ASTN1: variants seen among roughly 807,000 people sequenced by gnomAD.
ASTN1 encodes astrotactin-1.
ASTN1 carries 41 observed loss-of-function variants against 140.7 expected under a neutral mutation model. The ratio of observed to expected loss-of-function variants is 0.29; its 90% CI spans 0.23 to 0.38. ASTN1 has a LOEUF of 0.38. Ranked by LOEUF, ASTN1 falls within the 10% of genes least tolerant of loss-of-function variation. The pLI is 1.00. For synonymous variants in ASTN1, 640 were observed against 652.2 expected (o/e 0.98, Z 0.29); for missense variants, 1,479 against 1,678.8 (o/e 0.88, Z 2.08).
intron 1 of ASTN1, among the ~76,000 whole-genome samples, chr1:177,099,757 A>G (rs1680211208): frequency 6.6e-6 from 1 of 152,132 alleles, no homozygotes; most frequent in Non-Finnish European, 1.5e-5. Context: ...GTCTTAATCT[A>G]CTTAGTAGGA....
chr1:177,127,795 C>T (rs889785051), intron 1 of ASTN1, among the ~76,000 whole-genome samples: 17 of 152,196 alleles, frequency 1.1e-4, no homozygotes. Flanking sequence ...GATGGCATCG[C>T]ATTTTGATGA....
At chr1:177,074,798 T>A (rs929565730) in intron 1 of ASTN1, among the ~76,000 whole-genome samples, 1 of 152,254 alleles carries the variant, frequency 6.6e-6, no homozygotes, top group Non-Finnish European at 1.5e-5. Context: ...TCAGTATTCA[T>A]TATTACTTAT....
At chr1:176,999,018 G>A (rs1160332946) in intron 8 of ASTN1, among the ~76,000 whole-genome samples, 1 of 152,200 alleles carries the variant, frequency 6.6e-6, no homozygotes. Flanking sequence ...GCTAGGCACA[G>A]AGTAAACTGA....
chr1:176,952,421 T>TG (rs750563591), intron 11 of ASTN1, among the ~76,000 whole-genome samples: 1 of 152,026 alleles, frequency 6.6e-6, no homozygotes, highest in Non-Finnish European at 1.5e-5. Flanking sequence ...CTGAAAAAGA[T>TG]GCAATTATCC....
At chr1:177,056,525 T>A (rs1209235597) in intron 2 of ASTN1, among the ~76,000 whole-genome samples, 1 of 151,496 alleles carries the variant, frequency 6.6e-6, no homozygotes, top group Non-Finnish European at 1.5e-5. Flanking sequence ...ACAAAAGATA[T>A]TCTCTACCAG....
chr1:177,156,369 A>G (rs1023797745), intron 1 of ASTN1, among the ~76,000 whole-genome samples: 3 of 151,836 alleles, frequency 2.0e-5, no homozygotes, highest in Non-Finnish European at 4.4e-5. Context: ...GACCCTGGAG[A>G]AGCTTGTAGT....
chr1:176,889,118 T>TGGACATTTAC (rs1269944805), intron 17 of ASTN1, among the ~76,000 whole-genome samples: 1 of 152,214 alleles, frequency 6.6e-6, no homozygotes, highest in Non-Finnish European at 1.5e-5. Context: ...ATATTTACTA[T>TGGACATTTAC]TAAGTAAAAG....
At chr1:177,129,772 T>C (rs1471301432) in intron 1 of ASTN1, among the ~76,000 whole-genome samples, 1 of 151,990 alleles carries the variant, frequency 6.6e-6, no homozygotes, top group African/African-American at 2.4e-5. Context: ...ATCGAGACCA[T>C]CCTGGCTAAC....
In ASTN1 at chr1:177,051,842, T is replaced by C. The variant is rs115450403; in HGVS notation, c.471+9236A>G. Among the ~76,000 whole-genome samples, 594 of 152,222 alleles carry C rather than the reference T, an allele frequency of 3.9e-3. 4 individuals are homozygous for C. Among genetic ancestry groups the C allele is most frequent in the African/African-American group, 0.014 (580 of 41,524 alleles). ...TTCTTTTTCCCATTGTGAATGAGAG[T>C]AATAACAATCTTGTATGTGTGGATA... On this transcript the variant is annotated intron_variant, in intron 2 of 22. Coordinates refer to ENST00000361833, the MANE Select transcript of ASTN1 (RefSeq NM_004319.3).
At position 176,862,630 on chromosome 1, in the gene ASTN1, C is replaced by A; in HGVS notation, c.*1654G>T. ...CCAACAGCCTGAAATCACACTGAAA[C>A]TCAGTGTGAGTTACAGTGCACAAGG... On this transcript the variant is annotated 3_prime_UTR_variant, in exon 23 of 23. Transcript: ENST00000361833. 1.0e-6 allele frequency: 1 copy of A among 960,860 alleles called. No individual in the cohort carries two copies. Among genetic ancestry groups the A allele is most frequent in the Non-Finnish European group, 1.2e-6 (1 of 807,624 alleles). 59.5% of individuals were successfully genotyped at this position (960,860 alleles called of 1,614,324 possible).
At chr1:176,926,546 C>T (rs1249769960) in intron 16 of ASTN1, among the ~76,000 whole-genome samples, 1 of 152,208 alleles carries the variant, frequency 6.6e-6, no homozygotes, top group Non-Finnish European at 1.5e-5. Context: ...GAACAGCTGC[C>T]TTCTCTAAAT....
At chr1:177,055,228 T>C (rs1043185802) in intron 2 of ASTN1, among the ~76,000 whole-genome samples, 5 of 152,194 alleles carry the variant, frequency 3.3e-5, no homozygotes, top group African/African-American at 1.2e-4. Context: ...ACATCTCAGC[T>C]CTCACTTTAC....
chr1:177,149,542 A>AGTATATATATAGTAAATATATATACAGT (rs1682920780), intron 1 of ASTN1, among the ~76,000 whole-genome samples: 1 of 73,710 alleles, frequency 1.4e-5, no homozygotes, highest in Non-Finnish European at 2.1e-5. Context: ...AAATATATAT[A>AGTATATATATAGTAAATATATATACAGT]GTATATATAT....
downstream of ASTN1, among the ~76,000 whole-genome samples, chr1:176,858,735 A>T (rs1469513548): frequency 6.6e-6 from 1 of 152,164 alleles, no homozygotes; most frequent in Non-Finnish European, 1.5e-5. Flanking sequence ...TAAAGGCATT[A>T]CTGGGTTTGC....
At chr1:176,992,797 T>C (rs1674250284) in intron 8 of ASTN1, among the ~76,000 whole-genome samples, 1 of 152,186 alleles carries the variant, frequency 6.6e-6, no homozygotes, top group Non-Finnish European at 1.5e-5. Context: ...GGTCATTGAT[T>C]CTATCATTGA....
chr1:176,934,240 G>A lies in ASTN1; in HGVS notation c.2583C>T (p.Ile861=). Residue 861 remains isoleucine (I), a synonymous_variant, in exon 16 of 23, where the codon ATC becomes ATT. Transcript: ENST00000361833. The part of the protein sequence containing the change: ...QFGNHYIQEA[I]YGFEESCSIW... ...TAGAACAGGACTCCTCAAAGCCGTA[G>A]ATAGCTTCCTGGATGTAATGGTTGC... The A allele has an allele frequency of 6.2e-7, 1 of 1,614,076 alleles. No individual in the cohort carries two copies. Among genetic ancestry groups the A allele is most frequent in the Non-Finnish European group, 8.5e-7 (1 of 1,179,980 alleles).
At chr1:176,924,812 C>T (rs1031435608) in intron 16 of ASTN1, among the ~76,000 whole-genome samples, 5 of 152,146 alleles carry the variant, frequency 3.3e-5, no homozygotes, top group Non-Finnish European at 7.3e-5. Flanking sequence ...ATGAAAGGAG[C>T]TTTCATCAGC....
intron 1 of ASTN1, among the ~76,000 whole-genome samples, chr1:177,133,275 A>C (rs769918409): frequency 6.6e-6 from 1 of 152,264 alleles, no homozygotes; most frequent in Non-Finnish European, 1.5e-5. Flanking sequence ...GGATCAGAGT[A>C]GTTGAGTAAC....
chr1:176,981,994 G>A (rs981498685), intron 8 of ASTN1, among the ~76,000 whole-genome samples: 1 of 152,192 alleles, frequency 6.6e-6, no homozygotes, highest in Non-Finnish European at 1.5e-5. Flanking sequence ...GGCTTGCGAA[G>A]TCAACAGGAG....
Sources: gnomAD v4.1 joint callset for allele counts (sites outside exome capture counted in the v4.1 genomes callset) on GRCh38, gnomAD v4.1.1 for gene constraint, MANE v1.5 for transcripts, NCBI Gene and HGNC (gene_info 2026-07-23, HGNC 2026-07-21) for gene names.